DSC2: variants seen among roughly 807,000 people sequenced by gnomAD.
The protein encoded by DSC2 is desmocollin-2.
Under a neutral mutation model 87.6 loss-of-function variants are expected in DSC2, and 51 were observed. That is an observed-to-expected ratio of 0.58 (90% CI 0.46 to 0.74). DSC2 has a LOEUF of 0.74. Ranked by LOEUF, DSC2 falls within the 30% of genes least tolerant of loss-of-function variation. The probability of loss-of-function intolerance (pLI) is 0.00; values close to 1 mark genes in which losing one functional copy is unlikely to be tolerated. For missense variants in DSC2, 1,066 were observed against 1,089.5 expected, an observed-to-expected ratio of 0.98 and a Z score of 0.30; for synonymous variants, 383 against 393.2, an observed-to-expected ratio of 0.97 and a Z score of 0.31.
At chr18:31,091,551 G>C in intron 3 of DSC2, 1 of 459,746 alleles carries the variant, frequency 2.2e-6, no homozygotes, top group Non-Finnish European at 4.4e-6. Flanking sequence ...GCAGAGCCAG[G>C]GAACCAACAG....
chr18:31,079,680 A>C (rs946898510), intron 11 of DSC2, among the ~76,000 whole-genome samples, 167 bp downstream of exon 11: 3 of 152,242 alleles, frequency 2.0e-5, no homozygotes, highest in Admixed American at 6.5e-5. Context: ...AGGCTATTAG[A>C]AAGCAGACAT....
intron 7 of DSC2, among the ~76,000 whole-genome samples, chr18:31,083,784 T>C (rs1376671951): frequency 6.6e-6 from 1 of 152,184 alleles, no homozygotes; most frequent in Non-Finnish European, 1.5e-5. Flanking sequence ...ATCACTACCT[T>C]AAAAAATATT....
intron 1 of DSC2, among the ~76,000 whole-genome samples, chr18:31,099,093 A>T (rs915197079): frequency 6.6e-6 from 1 of 152,238 alleles, no homozygotes; most frequent in African/African-American, 2.4e-5. Context: ...TGTGTCACAC[A>T]TCACAGTCAG....
At chr18:31,099,092 C>T (rs1387967062) in intron 1 of DSC2, among the ~76,000 whole-genome samples, 1 of 152,202 alleles carries the variant, frequency 6.6e-6, no homozygotes, top group Non-Finnish European at 1.5e-5. Context: ...CTGTGTCACA[C>T]ATCACAGTCA....
In DSC2 at chr18:31,095,519, C is replaced by G. The variant is rs963232670; in HGVS notation, c.70-1876G>C. ...AACCAAGAGACTGATTGGGAGACTACAGCAGGAATCTAAGAGTGGGGTAAT... is the reference window on the plus strand; with the variant it reads ...AACCAAGAGACTGATTGGGAGACTAGAGCAGGAATCTAAGAGTGGGGTAAT... On this transcript the variant is annotated intron_variant, in intron 1 of 15. Coordinates refer to ENST00000280904, the MANE Select transcript of DSC2 (RefSeq NM_024422.6). Among the ~76,000 whole-genome samples the G allele has an allele frequency of 1.2e-4, 19 of 152,160 alleles. No individual in the cohort carries two copies. The South Asian group carries it at 3.5e-3, about 28-fold the overall frequency.
chr18:31,067,929 C>G lies in DSC2; in HGVS notation c.*86G>C. 4 of 1,233,386 alleles carry G rather than the reference C, an allele frequency of 3.2e-6. No homozygotes were observed. The highest frequency in any genetic ancestry group is 4.7e-6 in the Non-Finnish European group (4 of 857,424). The allele number at this position is 1,233,386 out of a possible 1,614,324, so 76.4% of individuals were successfully genotyped here. ...ATGAGAGAAAAACCCCCACAAATAGCATCTTCTGCTTTAAAAAATTCTTGG... is the reference window on the plus strand; with the variant it reads ...ATGAGAGAAAAACCCCCACAAATAGGATCTTCTGCTTTAAAAAATTCTTGG... On this transcript the variant is annotated 3_prime_UTR_variant, in exon 16 of 16. Transcript: ENST00000280904.
chr18:31,090,938 A>G, intron 4 of DSC2, 90 bp downstream of exon 4: 1 of 1,550,686 alleles, frequency 6.4e-7, no homozygotes, highest in African/African-American at 1.4e-5. Flanking sequence ...ATATTTATAC[A>G]CAACTATTAC....
intron 12 of DSC2, among the ~76,000 whole-genome samples, chr18:31,072,360 C>G (rs962001431): frequency 7.9e-5 from 12 of 152,156 alleles, no homozygotes; most frequent in African/African-American, 2.9e-4. Flanking sequence ...ACTACATTAG[C>G]AGGTCATGAG....
At chr18:31,101,662 T>C in intron 1 of DSC2, 1 of 505,394 alleles carries the variant, frequency 2.0e-6, no homozygotes, top group Non-Finnish European at 3.5e-6. Flanking sequence ...CGCCTCTCCT[T>C]GAGTGCGCTG....
At chr18:31,071,496 A>G in intron 13 of DSC2, 109 bp downstream of exon 13, 1 of 936,092 alleles carries the variant, frequency 1.1e-6, no homozygotes, top group Non-Finnish European at 1.7e-6. Flanking sequence ...CAGTGAGCGG[A>G]GATCACACTA....
In DSC2 at chr18:31,071,809, G is replaced by T; in HGVS notation, c.1921C>A (p.Pro641Thr). The T allele has an allele frequency of 6.2e-7, 1 of 1,613,882 alleles. No homozygotes were observed. Among genetic ancestry groups the T allele is most frequent in the Non-Finnish European group, 8.5e-7 (1 of 1,179,880 alleles). Residue 641 changes from proline (P) to threonine (T), a missense_variant, in exon 13 of 16, where the codon CCT (proline) becomes ACT (threonine). Coordinates refer to ENST00000280904, the MANE Select transcript of DSC2 (RefSeq NM_024422.6). ...GGTACTACATATGAGCCAAATGGAG[G>T]ATCATTCTGATAGGAAAGACGTGCT... is the stretch of plus-strand genomic sequence containing the variant. Reference protein sequence around the residue: ...TAARLSYQNDPPFGSYVVPIT... With the variant: ...TAARLSYQNDTPFGSYVVPIT...
At chr18:31,101,625 T>G in intron 1 of DSC2, 1 of 413,974 alleles carries the variant, frequency 2.4e-6, no homozygotes, top group Non-Finnish European at 4.3e-6. Context: ...GGGCCACGAT[T>G]TTGGCTGGGC....
In DSC2 at chr18:31,059,671, A is replaced by G. The variant is rs1054543912; in HGVS notation, c.*8344T>C. On this transcript the variant is annotated 3_prime_UTR_variant, in exon 16 of 16. Transcript: ENST00000280904. ...ACATGGAAACACACAATGAATAAAT[A>G]TTTCATTTACCGAGGATTTATCACT... 2.0e-5 allele frequency: 3 copies of G among 152,166 alleles called. No individual in the cohort carries two copies. Among genetic ancestry groups the G allele is most frequent in the African/African-American group, 7.2e-5 (3 of 41,446 alleles). 9.4% of individuals were successfully genotyped at this position (152,166 alleles called of 1,614,324 possible). A position where few individuals can be genotyped will look rare whatever the true frequency, so the allele number is the denominator to read the frequency against.
At chr18:31,093,178 G>A (rs1301679388) in intron 2 of DSC2, among the ~76,000 whole-genome samples, 1 of 152,162 alleles carries the variant, frequency 6.6e-6, no homozygotes, top group African/African-American at 2.4e-5. Context: ...TGTGCAGGAT[G>A]TGCAGGTTTG....
At position 31,070,864 on chromosome 18, in the gene DSC2, G is replaced by A. The variant is rs376526973; in HGVS notation, c.2126-14C>T. 5.6e-6 allele frequency: 9 copies of A among 1,613,080 alleles called. No individual in the cohort carries two copies. The highest frequency in any genetic ancestry group is 1.3e-5 in the African/African-American group (1 of 74,852). On this transcript the variant is annotated splice_polypyrimidine_tract_variant and intron_variant, in intron 13 of 15. Coordinates refer to ENST00000280904, the MANE Select transcript of DSC2 (RefSeq NM_024422.6). ...TAAACAGGATGCCTGGAGGAAGAAA[G>A]AAATATACTTGAGTTTATCATAAAA...
chr18:31,091,366 G>T (rs1987591762), intron 3 of DSC2, among the ~76,000 whole-genome samples: 1 of 152,006 alleles, frequency 6.6e-6, no homozygotes, highest in Admixed American at 6.6e-5. Flanking sequence ...AAAATGATTT[G>T]GTGGAAATAT....
chr18:31,100,017 C>T (rs980668987), intron 1 of DSC2, among the ~76,000 whole-genome samples: 11 of 152,130 alleles, frequency 7.2e-5, no homozygotes, highest in African/African-American at 2.7e-4. Context: ...ACCACAGGCG[C>T]GCACCCCATG....
chr18:31,070,987 T>A, intron 13 of DSC2, 137 bp from the exon 14 acceptor site: 1 of 1,079,400 alleles, frequency 9.3e-7, no homozygotes, highest in East Asian at 2.7e-5. Flanking sequence ...ATTGCTTGTG[T>A]CAAAGCAGTA....
chr18:31,069,041 C>T lies in DSC2; in HGVS notation c.2361G>A (p.Val787=). ...KNGGQETIEM[V]KGGHQTSESC... ...ATTCCGAGGTCTGGTGTCCTCCTTT[C>T]ACCATTTCGATGGTCTCCTGACCTC... Residue 787 remains valine (V), a synonymous_variant, in exon 15 of 16, where the codon GTG becomes GTA. Transcript: ENST00000280904. 6.2e-7 allele frequency: 1 copy of T among 1,614,090 alleles called. No individual in the cohort carries two copies. The highest frequency in any genetic ancestry group is 1.1e-5 in the South Asian group (1 of 91,078).
Sources: allele counts gnomAD v4.1 joint callset (sites outside exome capture counted in the v4.1 genomes callset), GRCh38; gene constraint gnomAD v4.1.1; transcripts MANE v1.5; gene names NCBI Gene and HGNC (gene_info 2026-07-23, HGNC 2026-07-21).